PIK3C2G: variants seen among roughly 807,000 people sequenced by gnomAD.
PIK3C2G encodes phosphatidylinositol-4-phosphate 3-kinase catalytic subunit type 2 gamma.
A neutral mutation model predicts 181.1 loss-of-function variants in PIK3C2G; 168 were observed. The ratio of observed to expected loss-of-function variants is 0.93; its 90% CI spans 0.82 to 1.05. The LOEUF is 1.05. PIK3C2G is among the 50% of genes least tolerant of loss of function. The pLI is 0.00. For missense variants in PIK3C2G, 1,869 were observed against 1,732.8 expected, an observed-to-expected ratio of 1.08 and a Z score of -1.40; for synonymous variants, 573 against 592.2, an observed-to-expected ratio of 0.97 and a Z score of 0.47.
intron 12 of PIK3C2G, among the ~76,000 whole-genome samples, chr12:18,365,466 T>C (rs578128490): frequency 6.6e-6 from 1 of 152,302 alleles, no homozygotes; most frequent in East Asian, 1.9e-4. Flanking sequence ...ACCAGTAACC[T>C]TCATGACTGA....
the PIK3C2G span, among the ~76,000 whole-genome samples, chr12:18,654,533 T>G: frequency 6.6e-6 from 1 of 152,156 alleles, no homozygotes; most frequent in Non-Finnish European, 1.5e-5. Flanking sequence ...GTATAAAGGA[T>G]GAAAACGCAT....
chr12:18,324,932 G>A (rs536941726), intron 7 of PIK3C2G, 103 bp from the exon 8 acceptor site: 8 of 622,850 alleles, frequency 1.3e-5, no homozygotes, highest in African/African-American at 5.6e-5. Context: ...CCATGCCTAC[G>A]ATAGTATCAT....
At chr12:18,532,888 T>G (rs1434160512) in intron 24 of PIK3C2G, among the ~76,000 whole-genome samples, 11 of 151,638 alleles carry the variant, frequency 7.3e-5, no homozygotes, top group South Asian at 4.2e-4. Flanking sequence ...TTGCTGTTTT[T>G]TTTTTTTTTT....
chr12:18,723,089 A>G, the PIK3C2G span, among the ~76,000 whole-genome samples: 1 of 152,052 alleles, frequency 6.6e-6, no homozygotes, highest in South Asian at 2.1e-4. Context: ...AAAAGAAAGG[A>G]GCTGAACAAT....
At chr12:18,310,752 TGAAAG>T (rs1378212020) in intron 5 of PIK3C2G, among the ~76,000 whole-genome samples, 1 of 150,994 alleles carries the variant, frequency 6.6e-6, no homozygotes, top group African/African-American at 2.4e-5. Context: ...ACCCAACAAA[TGAAAG>T]GAAATAATTC....
chr12:18,452,924 G>A (rs765944752), intron 18 of PIK3C2G, among the ~76,000 whole-genome samples: 24 of 152,136 alleles, frequency 1.6e-4, no homozygotes, highest in Non-Finnish European at 3.1e-4. Context: ...ACTGTGGTCC[G>A]AGAGACTGTT....
intron 1 of PIK3C2G, among the ~76,000 whole-genome samples, chr12:18,274,118 A>G (rs187135240): frequency 0.018 from 2,727 of 152,298 alleles, 30 homozygotes; most frequent in Middle Eastern, 0.041. Context: ...ACCTCACACC[A>G]GTTAGAATGG....
At chr12:18,660,149 A>T in the PIK3C2G span, among the ~76,000 whole-genome samples, 1 of 152,076 alleles carries the variant, frequency 6.6e-6, no homozygotes, top group South Asian at 2.1e-4. Flanking sequence ...CCAGGAGAGG[A>T]CCTGGATAGT....
chr12:18,344,110 G>A (rs1271840089), intron 10 of PIK3C2G, among the ~76,000 whole-genome samples: 1 of 152,046 alleles, frequency 6.6e-6, no homozygotes, highest in Non-Finnish European at 1.5e-5. Flanking sequence ...TGCAGGATCT[G>A]GTCAGGATCG....
chr12:18,266,762 T>C (rs2137027933), intron 1 of PIK3C2G, among the ~76,000 whole-genome samples: 1 of 152,172 alleles, frequency 6.6e-6, no homozygotes, highest in East Asian at 1.9e-4. Context: ...AAACTGTATG[T>C]CCAGATAGAT....
intron 31 of PIK3C2G, among the ~76,000 whole-genome samples, chr12:18,618,131 T>G (rs1948686913): frequency 6.6e-6 from 1 of 152,140 alleles, no homozygotes; most frequent in Non-Finnish European, 1.5e-5. Flanking sequence ...TTAACTTATG[T>G]ACCTGTAGAG....
At chr12:18,703,557 AC>A in the PIK3C2G span, among the ~76,000 whole-genome samples, 3 of 152,174 alleles carry the variant, frequency 2.0e-5, no homozygotes, top group Non-Finnish European at 2.9e-5. Flanking sequence ...TGACTAAATG[AC>A]CTTAGAGATA....
intron 6 of PIK3C2G, among the ~76,000 whole-genome samples, chr12:18,316,787 G>T (rs1230083114): frequency 2.6e-5 from 4 of 151,836 alleles, no homozygotes; most frequent in Non-Finnish European, 5.9e-5. Flanking sequence ...AAATGTATTT[G>T]TATATTTGTA....
chr12:18,583,396 A>C (rs1946604471), intron 29 of PIK3C2G, among the ~76,000 whole-genome samples: 1 of 152,034 alleles, frequency 6.6e-6, no homozygotes, highest in South Asian at 2.1e-4. Flanking sequence ...GTATCTCCTC[A>C]GTGGGTGGGT....
At chr12:18,446,477 G>A (rs543214644) in intron 18 of PIK3C2G, among the ~76,000 whole-genome samples, 28 of 152,198 alleles carry the variant, frequency 1.8e-4, no homozygotes, top group African/African-American at 6.5e-4. Flanking sequence ...CATTCCTGAA[G>A]TCCCACACCT....
intron 29 of PIK3C2G, among the ~76,000 whole-genome samples, chr12:18,589,365 T>A (rs998983071): frequency 1.1e-4 from 16 of 152,010 alleles, no homozygotes; most frequent in Non-Finnish European, 1.9e-4. Context: ...GAATTTGAGA[T>A]AGAAAGCAGA....
At chr12:18,602,066 G>A (rs1387062662) in intron 30 of PIK3C2G, among the ~76,000 whole-genome samples, 1 of 152,146 alleles carries the variant, frequency 6.6e-6, no homozygotes, top group East Asian at 1.9e-4. Context: ...GCACGAATCC[G>A]GCTTGGAGAC....
At chr12:18,580,999 A>T (rs1946471317) in intron 29 of PIK3C2G, among the ~76,000 whole-genome samples, 1 of 152,172 alleles carries the variant, frequency 6.6e-6, no homozygotes, top group Non-Finnish European at 1.5e-5. Context: ...GTTATATTAC[A>T]TTACTTCTGG....
intron 16 of PIK3C2G, among the ~76,000 whole-genome samples, chr12:18,402,603 A>G (rs1944306770): frequency 1.3e-5 from 2 of 152,150 alleles, no homozygotes; most frequent in Non-Finnish European, 2.9e-5. Context: ...TTAAAGAATA[A>G]TTTTCTAACA....
Sources: gnomAD v4.1 joint callset for allele counts (sites outside exome capture counted in the v4.1 genomes callset) on GRCh38, gnomAD v4.1.1 for gene constraint, MANE v1.5 for transcripts, NCBI Gene and HGNC (gene_info 2026-07-23, HGNC 2026-07-21) for gene names.